The following ARIH1 variants were observed in gnomAD, a reference collection of about 807,000 sequenced individuals.
The protein encoded by ARIH1 is E3 ubiquitin-protein ligase ARIH1.
A neutral mutation model predicts 85.0 loss-of-function variants in ARIH1; 8 were observed. The observed-to-expected ratio is 0.09, with a 90% CI of 0.06 to 0.17. The LOEUF (loss-of-function observed/expected upper bound fraction) is 0.17. Ranked by LOEUF, ARIH1 falls within the 10% of genes least tolerant of loss-of-function variation. The pLI is 1.00. For missense variants in ARIH1, 311 were observed against 718.1 expected, an observed-to-expected ratio of 0.43 and a Z score of 6.48; for synonymous variants, 238 against 253.6, an observed-to-expected ratio of 0.94 and a Z score of 0.59.
intron 11 of ARIH1, among the ~76,000 whole-genome samples, chr15:72,575,515 C>T (rs571590155): frequency 9.9e-5 from 14 of 140,992 alleles, no homozygotes; most frequent in Non-Finnish European, 1.5e-4. Flanking sequence ...TGTGCCACTG[C>T]ACTCTAGCTC....
At chr15:72,505,896 G>A (rs535497543) in intron 1 of ARIH1, among the ~76,000 whole-genome samples, 4 of 152,078 alleles carry the variant, frequency 2.6e-5, no homozygotes, top group African/African-American at 7.2e-5. Context: ...CCACCATAGC[G>A]GGTAATTTTT....
chr15:72,547,675 A>C (rs1248458663), intron 3 of ARIH1, among the ~76,000 whole-genome samples: 7 of 152,204 alleles, frequency 4.6e-5, no homozygotes, highest in Admixed American at 2.6e-4. Flanking sequence ...ATATATTAAT[A>C]TTTTGACTAT....
At chr15:72,555,191 A>G in intron 3 of ARIH1, 80 bp from the exon 4 acceptor site, 1 of 1,028,612 alleles carries the variant, frequency 9.7e-7, no homozygotes, top group East Asian at 2.4e-5. Flanking sequence ...ATGTGACCTT[A>G]CAGAGCCCTG....
chr15:72,569,063 CT>C (rs2064232700), intron 9 of ARIH1, among the ~76,000 whole-genome samples: 1 of 152,138 alleles, frequency 6.6e-6, no homozygotes, highest in Non-Finnish European at 1.5e-5. Flanking sequence ...AATCCTAACA[CT>C]TTGGGAGGCC....
At chr15:72,531,440 G>A (rs2064056327) in intron 2 of ARIH1, among the ~76,000 whole-genome samples, 1 of 152,026 alleles carries the variant, frequency 6.6e-6, no homozygotes, top group Non-Finnish European at 1.5e-5. Flanking sequence ...GTTAACTTTA[G>A]TATTTTTAGT....
intron 3 of ARIH1, among the ~76,000 whole-genome samples, chr15:72,546,943 G>GT (rs200115476): frequency 6.9e-6 from 1 of 144,974 alleles, no homozygotes; most frequent in African/African-American, 2.7e-5. Context: ...GAGGGGGGGG[G>GT]GTGGGACGGA....
intron 1 of ARIH1, chr15:72,496,887 C>A: frequency 2.0e-6 from 2 of 982,684 alleles, no homozygotes; most frequent in South Asian, 4.7e-5. Context: ...AAAGACAAGT[C>A]ATTAAAAGAC....
chr15:72,475,537 C>T (rs1480994876), intron 1 of ARIH1, among the ~76,000 whole-genome samples: 1 of 152,166 alleles, frequency 6.6e-6, no homozygotes, highest in Non-Finnish European at 1.5e-5. Context: ...CAAGTGCCTA[C>T]TTAAAGGTGG....
rs535475141 is a variant in ARIH1, at chr15:72,584,475, T to C, written c.*1183T>C. Reference sequence around the variant, plus strand: ...CTGCTTTTCAGATTTTAGTTATGGCTCGTCTGCTCACCCCTTCTCTACATT... The same window carrying C: ...CTGCTTTTCAGATTTTAGTTATGGCCCGTCTGCTCACCCCTTCTCTACATT... On this transcript the variant is annotated 3_prime_UTR_variant, in exon 14 of 14. Coordinates refer to ENST00000379887, the MANE Select transcript of ARIH1 (RefSeq NM_005744.5). The C allele has an allele frequency of 6.6e-6, 1 of 152,340 alleles. No individual in the cohort carries two copies. The highest frequency in any genetic ancestry group is 2.4e-5 in the African/African-American group (1 of 41,576). The allele number at this position is 152,340 out of a possible 1,614,324, so 9.4% of individuals were successfully genotyped here. A position where few individuals can be genotyped will look rare whatever the true frequency, so the allele number is the denominator to read the frequency against.
intron 11 of ARIH1, among the ~76,000 whole-genome samples, chr15:72,573,279 G>A (rs921709853): frequency 4.6e-5 from 7 of 152,090 alleles, no homozygotes; most frequent in African/African-American, 1.4e-4. Context: ...TGGGAAATAC[G>A]GCCGGGCTTG....
chr15:72,497,963 A>G (rs2063886429), intron 1 of ARIH1, among the ~76,000 whole-genome samples: 1 of 152,230 alleles, frequency 6.6e-6, no homozygotes. Flanking sequence ...AAGCTTCATA[A>G]TATACCATAG....
chr15:72,566,168 A>G (rs761116129), intron 7 of ARIH1, among the ~76,000 whole-genome samples: 2 of 152,214 alleles, frequency 1.3e-5, no homozygotes, highest in Non-Finnish European at 2.9e-5. Context: ...ACTGTGTATT[A>G]GTACTAAATT....
intron 6 of ARIH1, among the ~76,000 whole-genome samples, chr15:72,562,245 C>A (rs1353346784): frequency 6.6e-6 from 1 of 152,140 alleles, no homozygotes; most frequent in African/African-American, 2.4e-5. Context: ...CATGCCTTTG[C>A]CCATTTGTTC....
chr15:72,535,645 T>A lies in ARIH1; in HGVS notation c.444-9175T>A, dbSNP rs75490255. 2.3e-3 allele frequency among the ~76,000 whole-genome samples: 347 copies of A among 152,344 alleles called. 7 individuals carry two copies. In the East Asian group the frequency reaches 0.041, roughly 18 times the overall value. Reference sequence around the variant, plus strand: ...AAAAAGACAATTTCTTTTTATATACTTGAAGAAACGATATTTCTCTTCAGT... The same window carrying A: ...AAAAAGACAATTTCTTTTTATATACATGAAGAAACGATATTTCTCTTCAGT... On this transcript the variant is annotated intron_variant, in intron 2 of 13. Coordinates refer to ENST00000379887, the MANE Select transcript of ARIH1 (RefSeq NM_005744.5).
intron 11 of ARIH1, among the ~76,000 whole-genome samples, chr15:72,578,635 C>T (rs2064282092): frequency 6.6e-6 from 1 of 151,670 alleles, no homozygotes; most frequent in Admixed American, 6.6e-5. Flanking sequence ...TGGCAAACCT[C>T]CAAAAAATAT....
rs59841210 is a variant in ARIH1 at position 72,534,959 on chromosome 15, C to CTTTTTTTTTTTT, written c.444-9850_444-9849insTTTTTTTTTTTT. On this transcript the variant is annotated intron_variant, in intron 2 of 13. Transcript: ENST00000379887. ...CCTATGTCTTCTTATTGTCTGTATTCTTTTTTTTTTTGAGACGGAGTCTCG... is the reference window on the plus strand; with the variant it reads ...CCTATGTCTTCTTATTGTCTGTATTCTTTTTTTTTTTTTTTTTTTTTTTGAGACGGAGTCTCG... Among the ~76,000 whole-genome samples the CTTTTTTTTTTTT allele has an allele frequency of 6.8e-5, 5 of 73,798 alleles. 2 individuals carry two copies. The highest frequency in any genetic ancestry group is 1.8e-4 in the Non-Finnish European group (5 of 28,458). 48.4% of individuals were successfully genotyped at this position (73,798 alleles called of 152,430 possible). A position where few individuals can be genotyped will look rare whatever the true frequency, so the allele number is the denominator to read the frequency against.
At chr15:72,490,992 T>C (rs1299968268) in intron 1 of ARIH1, among the ~76,000 whole-genome samples, 1 of 152,126 alleles carries the variant, frequency 6.6e-6, no homozygotes, top group Non-Finnish European at 1.5e-5. Context: ...GGTGTGCTCC[T>C]GTAATCCCAG....
At chr15:72,507,184 G>A (rs2063929879) in intron 1 of ARIH1, among the ~76,000 whole-genome samples, 1 of 151,984 alleles carries the variant, frequency 6.6e-6, no homozygotes. Flanking sequence ...CACCGTGCCC[G>A]GCTAATATTT....
chr15:72,530,064 A>G (rs1009471426), intron 2 of ARIH1, among the ~76,000 whole-genome samples: 4 of 152,210 alleles, frequency 2.6e-5, no homozygotes, highest in African/African-American at 9.7e-5. Context: ...TGACAGCTAA[A>G]TTGATAGCAG....
Sources: gnomAD v4.1 joint callset for allele counts (sites outside exome capture counted in the v4.1 genomes callset) on GRCh38, gnomAD v4.1.1 for gene constraint, MANE v1.5 for transcripts, NCBI Gene and HGNC (gene_info 2026-07-23, HGNC 2026-07-21) for gene names.